Variants in EPM2A observed in about 807,000 individuals in gnomAD.
The protein encoded by EPM2A is laforin.
Under a neutral mutation model 26.5 loss-of-function variants are expected in EPM2A, and 21 were observed. The observed-to-expected ratio is 0.79, with a 90% CI of 0.56 to 1.14. The LOEUF is 1.14. EPM2A is among the 50% of genes most tolerant of loss of function. The pLI is 0.00. For missense variants in EPM2A, 458 were observed against 440.8 expected (o/e 1.04, Z -0.35); for synonymous variants, 217 against 177.6 (o/e 1.22, Z -1.76).
intron 2 of EPM2A, among the ~76,000 whole-genome samples, chr6:145,588,282 G>T (rs921328259): frequency 6.6e-6 from 1 of 152,118 alleles, no homozygotes; most frequent in Non-Finnish European, 1.5e-5. Flanking sequence ...GAATACTGTA[G>T]GGAAATAAGT....
intron 4 of EPM2A, among the ~76,000 whole-genome samples, chr6:145,465,137 C>T (rs1380791283): frequency 6.6e-6 from 1 of 151,978 alleles, no homozygotes; most frequent in East Asian, 1.9e-4. Flanking sequence ...TTGGTCTTTT[C>T]ACATAGTCCC....
chr6:145,650,180 C>T (rs959762268), intron 2 of EPM2A, among the ~76,000 whole-genome samples: 2 of 152,100 alleles, frequency 1.3e-5, no homozygotes, highest in African/African-American at 4.8e-5. Flanking sequence ...AGGCTTTGGC[C>T]CTGGTTAAAG....
chr6:145,671,952 A>G (rs1779675647), intron 2 of EPM2A, among the ~76,000 whole-genome samples: 1 of 152,168 alleles, frequency 6.6e-6, no homozygotes, highest in South Asian at 2.1e-4. Context: ...AAGCCTTTTC[A>G]AGGAACAGAA....
intron 2 of EPM2A, among the ~76,000 whole-genome samples, chr6:145,521,595 G>T (rs911914610): frequency 1.3e-5 from 2 of 152,128 alleles, no homozygotes; most frequent in African/African-American, 4.8e-5. Flanking sequence ...TAGATTATTT[G>T]ACCATGGATT....
chr6:145,647,307 C>A (rs1777549610), intron 2 of EPM2A, among the ~76,000 whole-genome samples: 1 of 152,152 alleles, frequency 6.6e-6, no homozygotes, highest in Admixed American at 6.5e-5. Context: ...GAGCCATGCA[C>A]TCTCCTTTCC....
intron 4 of EPM2A, among the ~76,000 whole-genome samples, chr6:145,466,357 G>A (rs1477890727): frequency 2.0e-5 from 3 of 152,132 alleles, no homozygotes; most frequent in African/African-American, 7.2e-5. Context: ...CTTCTCAAAG[G>A]AAGACATTTA....
At chr6:145,716,575 C>A (rs1229214849) in intron 1 of EPM2A, among the ~76,000 whole-genome samples, 1 of 152,138 alleles carries the variant, frequency 6.6e-6, no homozygotes, top group Non-Finnish European at 1.5e-5. Flanking sequence ...GAAGACCCTA[C>A]CCCTATCCTG....
At chr6:145,730,192 T>G (rs79967607) in intron 1 of EPM2A, among the ~76,000 whole-genome samples, 5,929 of 152,282 alleles carry the variant, frequency 0.039, 166 homozygotes, top group Non-Finnish European at 0.062. Flanking sequence ...CTCAGCTACT[T>G]CTTTATAGCA....
chr6:145,474,418 A>G (rs969492810), intron 4 of EPM2A, among the ~76,000 whole-genome samples: 3 of 152,058 alleles, frequency 2.0e-5, no homozygotes, highest in Non-Finnish European at 4.4e-5. Flanking sequence ...GCCAAGATTG[A>G]GCCATTGCAC....
chr6:145,686,343 G>C (rs1386624635), intron 1 of EPM2A, 47 bp from the exon 2 acceptor site: 1 of 1,475,514 alleles, frequency 6.8e-7, no homozygotes, highest in African/African-American at 1.4e-5. Context: ...TCAGTGTTTT[G>C]TTTAAATATC....
chr6:145,407,124 A>G (rs1318098462), intron 4 of EPM2A, among the ~76,000 whole-genome samples: 1 of 152,122 alleles, frequency 6.6e-6, no homozygotes, highest in Non-Finnish European at 1.5e-5. Context: ...CTTTGGCAGT[A>G]AAGTTTTCCA....
intron 4 of EPM2A, chr6:145,490,748 G>T: frequency 1.8e-6 from 1 of 561,168 alleles, no homozygotes; most frequent in South Asian, 1.5e-5. Flanking sequence ...TCCTTCACAT[G>T]TGAAGGTTGT....
At chr6:145,723,982 G>C (rs1418159207) in intron 1 of EPM2A, among the ~76,000 whole-genome samples, 2 of 152,144 alleles carry the variant, frequency 1.3e-5, no homozygotes, top group Non-Finnish European at 2.9e-5. Context: ...ACAACTTGCA[G>C]AGCTTACACA....
At chr6:145,639,221 C>CA (rs1177691136) in intron 2 of EPM2A, 3 of 152,166 alleles carry the variant, frequency 2.0e-5, no homozygotes, top group African/African-American at 4.8e-5. Context: ...AATCCACTAT[C>CA]AATCATGAAC....
chr6:145,497,658 C>G (rs1271317619), downstream of EPM2A, among the ~76,000 whole-genome samples: 1 of 152,226 alleles, frequency 6.6e-6, no homozygotes, highest in Non-Finnish European at 1.5e-5. Flanking sequence ...GCTGAAACAG[C>G]AAAGATGGCA....
At chr6:145,704,180 T>A (rs1466953311) in intron 1 of EPM2A, among the ~76,000 whole-genome samples, 7 of 152,168 alleles carry the variant, frequency 4.6e-5, no homozygotes, top group Non-Finnish European at 1.5e-5. Flanking sequence ...TCACATTTAC[T>A]TCATTAAAGA....
At chr6:145,587,755 T>C (rs1299810751) in intron 2 of EPM2A, among the ~76,000 whole-genome samples, 2 of 152,196 alleles carry the variant, frequency 1.3e-5, no homozygotes, top group African/African-American at 4.8e-5. Context: ...TTTGTCTATC[T>C]TTTCCAAAAG....
At chr6:145,734,534 G>A (rs1388174064) in intron 1 of EPM2A, 1 of 151,892 alleles carries the variant, frequency 6.6e-6, no homozygotes, top group Non-Finnish European at 1.5e-5. Context: ...TCATATATCT[G>A]GGATTAAAAA....
intron 3 of EPM2A, chr6:145,632,058 A>C (rs570372847): frequency 6.6e-6 from 1 of 152,200 alleles, no homozygotes; most frequent in East Asian, 1.9e-4. Context: ...TACAATTCCA[A>C]CTTTGTGATT....
Sources: allele counts gnomAD v4.1 joint callset (sites outside exome capture counted in the v4.1 genomes callset), GRCh38; gene constraint gnomAD v4.1.1; transcripts MANE v1.5; gene names NCBI Gene and HGNC (gene_info 2026-07-23, HGNC 2026-07-21).